PARD3B: variants seen among roughly 807,000 people sequenced by gnomAD.
PARD3B encodes the protein par-3 family cell polarity regulator beta.
A neutral mutation model predicts 130.2 loss-of-function variants in PARD3B; 103 were observed. That is an observed-to-expected ratio of 0.79 (90% confidence interval 0.67 to 0.93). The LOEUF is 0.93. Among genes scored for constraint, PARD3B ranks in the 40% least tolerant of loss-of-function variants. The probability of loss-of-function intolerance (pLI) is 0.00; values close to 1 mark genes in which losing one functional copy is unlikely to be tolerated. For synonymous variants in PARD3B, 583 were observed against 553.2 expected, an observed-to-expected ratio of 1.05 and a Z score of -0.76; for missense variants, 1,609 against 1,499.2, an observed-to-expected ratio of 1.07 and a Z score of -1.21.
rs1353764135 is a variant in PARD3B at position 205,470,554 on chromosome 2, C to A, written c.3045-29342C>A. Among the ~76,000 whole-genome samples the A allele has an allele frequency of 6.6e-6, 1 of 152,132 alleles. No homozygotes were observed. Among genetic ancestry groups the A allele is most frequent in the Non-Finnish European group, 1.5e-5 (1 of 68,030 alleles). On this transcript the variant is annotated intron_variant, in intron 20 of 22. Transcript: ENST00000406610. This position sits in a 1 kb window ranked among gnomAD's most constrained non-coding sequence, Gnocchi z 4.8. ...GATCTCTTTTGTCCATTCAGGTTGTCCTGTCTAGATAATGAGAATTTAAGT... is the reference window on the plus strand; with the variant it reads ...GATCTCTTTTGTCCATTCAGGTTGTACTGTCTAGATAATGAGAATTTAAGT...
intron 2 of PARD3B, among the ~76,000 whole-genome samples, chr2:204,778,777 C>G (rs939252043): frequency 1.3e-5 from 2 of 152,096 alleles, no homozygotes; most frequent in African/African-American, 4.8e-5. Context: ...CTGCAATGTC[C>G]TCTTAATTGA....
chr2:204,624,582 AGTGTTCCATG>A (rs1355417162), intron 1 of PARD3B, among the ~76,000 whole-genome samples: 1 of 152,182 alleles, frequency 6.6e-6, no homozygotes, highest in Non-Finnish European at 1.5e-5. Context: ...ATTGTTGAGT[AGTGTTCCATG>A]GTGTGGATAT....
chr2:205,049,154 A>T (rs1699014348), intron 4 of PARD3B, among the ~76,000 whole-genome samples: 1 of 152,174 alleles, frequency 6.6e-6, no homozygotes, highest in African/African-American at 2.4e-5. Flanking sequence ...GTTTGCATGG[A>T]GAAAGTCCCT....
intron 2 of PARD3B, among the ~76,000 whole-genome samples, chr2:204,844,015 C>T (rs2044360645): frequency 6.6e-6 from 1 of 152,054 alleles, no homozygotes; most frequent in African/African-American, 2.4e-5. Context: ...AGCCGAAATT[C>T]CATCAGATGG....
chr2:205,503,279 A>G (rs2050226180), intron 21 of PARD3B, among the ~76,000 whole-genome samples: 4 of 152,158 alleles, frequency 2.6e-5, no homozygotes, highest in Admixed American at 2.6e-4. Context: ...ATTAGCTTCT[A>G]TATGTACTGA....
chr2:205,010,058 A>C (rs1002549113), intron 3 of PARD3B, among the ~76,000 whole-genome samples: 37 of 152,278 alleles, frequency 2.4e-4, no homozygotes, highest in Non-Finnish European at 3.1e-4. Context: ...GACTTTAGTG[A>C]ACCAATATAG....
At chr2:204,774,903 A>AGGTTG in intron 2 of PARD3B, among the ~76,000 whole-genome samples, 1 of 152,130 alleles carries the variant, frequency 6.6e-6, no homozygotes, top group South Asian at 2.1e-4. Flanking sequence ...TCCAGTAAGA[A>AGGTTG]ATTGTGGCAT....
intron 2 of PARD3B, among the ~76,000 whole-genome samples, chr2:204,893,366 G>T (rs2046519117): frequency 6.6e-6 from 1 of 152,158 alleles, no homozygotes; most frequent in Admixed American, 6.5e-5. Context: ...GTTTAACAAA[G>T]AAATGAGAAA....
rs185006509 is a variant in PARD3B at position 205,229,190 on chromosome 2, T to C, written c.2141-16588T>C. On this transcript the variant is annotated intron_variant, in intron 15 of 22. Coordinates refer to ENST00000406610, the MANE Select transcript of PARD3B (RefSeq NM_001302769.2). The surrounding 1 kb of genome is among the most constrained non-coding windows in gnomAD (Gnocchi z 5.2). ...GTGATTGTTTATCATTGTCTCAACA[T>C]TGAAGAGTTAGGTATTTATTGTAGT... Among the ~76,000 whole-genome samples the C allele has an allele frequency of 1.1e-4, 17 of 152,372 alleles. No individual in the cohort carries two copies. The highest frequency in any genetic ancestry group is 2.2e-4 in the Non-Finnish European group (15 of 68,040).
At chr2:204,726,436 A>C (rs998254673) in intron 2 of PARD3B, among the ~76,000 whole-genome samples, 19 of 152,168 alleles carry the variant, frequency 1.2e-4, no homozygotes, top group Admixed American at 1.2e-3. Context: ...AAATAAAAGC[A>C]TGGAAATAGC....
chr2:204,837,230 C>G (rs1017605412), intron 2 of PARD3B, among the ~76,000 whole-genome samples: 28 of 152,032 alleles, frequency 1.8e-4, no homozygotes, highest in Non-Finnish European at 7.4e-5. Context: ...AGCTTTTCCT[C>G]TTTATCTCTT....
intron 4 of PARD3B, among the ~76,000 whole-genome samples, chr2:205,085,104 C>A (rs1466303843): frequency 6.6e-6 from 1 of 151,988 alleles, no homozygotes; most frequent in Admixed American, 6.5e-5. Flanking sequence ...TTGTATCCCT[C>A]TTTTATATTA....
intron 16 of PARD3B, among the ~76,000 whole-genome samples, chr2:205,285,002 T>TC (rs2041338539): frequency 6.6e-6 from 1 of 151,840 alleles, no homozygotes; most frequent in Non-Finnish European, 1.5e-5. Context: ...AGTTTTTTTT[T>TC]TTTTTTGTGG....
At chr2:204,959,198 A>G (rs1466210050) in intron 2 of PARD3B, among the ~76,000 whole-genome samples, 1 of 152,014 alleles carries the variant, frequency 6.6e-6, no homozygotes, top group African/African-American at 2.4e-5. Flanking sequence ...CCCATTATTC[A>G]GCTGCCACTT....
intron 16 of PARD3B, among the ~76,000 whole-genome samples, chr2:205,297,754 C>T (rs889680198): frequency 3.3e-5 from 5 of 152,292 alleles, no homozygotes; most frequent in African/African-American, 1.2e-4. Context: ...ATCCTGAAAA[C>T]TCCAGAGTCC....
Position 205,616,575 on chromosome 2 carries a change from A to C in PARD3B, c.*762A>C, listed in dbSNP as rs2055444427. On this transcript the variant is annotated 3_prime_UTR_variant, in exon 23 of 23. Transcript: ENST00000406610. ...GGAATATCTTCCGAGGACTAAGGTG[A>C]TCAGGTTAAGAGGGTTCAACATCCC... The C allele has an allele frequency of 6.6e-6, 1 of 152,210 alleles. No homozygotes were observed. 9.4% of individuals were successfully genotyped at this position (152,210 alleles called of 1,614,324 possible). A position where few individuals can be genotyped will look rare whatever the true frequency, so the allele number is the denominator to read the frequency against.
intron 3 of PARD3B, among the ~76,000 whole-genome samples, chr2:205,018,644 C>T (rs571568184): frequency 2.1e-4 from 28 of 135,814 alleles, no homozygotes; most frequent in African/African-American, 7.5e-4. Context: ...AGGAGAGCCT[C>T]GTTTTTCTTG....
In PARD3B at chr2:204,890,103, A is replaced by ATGTC. The variant is rs2046394358; in HGVS notation, c.223-75046_223-75043dup. On this transcript the variant is annotated intron_variant, in intron 2 of 22. Coordinates refer to ENST00000406610, the MANE Select transcript of PARD3B (RefSeq NM_001302769.2). The surrounding 1 kb of genome is among the most constrained non-coding windows in gnomAD (Gnocchi z 4.9). ...ATTGCAACTGGATGCAGAATTTACC[A>ATGTC]TGTCTGCTTTGCCTTCTCCGCCTTC... Among the ~76,000 whole-genome samples, 1 of 152,196 alleles carries ATGTC rather than the reference A, an allele frequency of 6.6e-6. No individual in the cohort carries two copies. Among genetic ancestry groups the ATGTC allele is most frequent in the Admixed American group, 6.5e-5 (1 of 15,284 alleles).
At chr2:205,220,455 A>G (rs550928800) in intron 15 of PARD3B, among the ~76,000 whole-genome samples, 1 of 152,290 alleles carries the variant, frequency 6.6e-6, no homozygotes, top group East Asian at 1.9e-4. Flanking sequence ...TCCATGGGCT[A>G]CTGTTAGGTG....
Sources: allele counts gnomAD v4.1 joint callset (sites outside exome capture counted in the v4.1 genomes callset), GRCh38; gene constraint gnomAD v4.1.1; non-coding constraint Gnocchi (gnomAD v3.1); transcripts MANE v1.5; gene names NCBI Gene and HGNC (gene_info 2026-07-23, HGNC 2026-07-21).